Variants in PKNOX2 observed in about 807,000 individuals in gnomAD.
PKNOX2 encodes PBX/knotted 1 homeobox 2.
In PKNOX2, 14 loss-of-function variants were observed where a neutral mutation model predicts 53.1. The observed-to-expected ratio is 0.26, with a 90% CI of 0.17 to 0.41. PKNOX2 has a LOEUF of 0.41. Ranked by LOEUF, PKNOX2 falls within the 10% of genes least tolerant of loss-of-function variation. The pLI is 1.00. For missense variants in PKNOX2, 496 were observed against 602.8 expected (o/e 0.82, Z 1.85); for synonymous variants, 257 against 242.8 (o/e 1.06, Z -0.54).
chr11:125,240,986 C>T lies in PKNOX2; in HGVS notation c.-130+5871C>T, dbSNP rs971994739. 2.0e-5 allele frequency among the ~76,000 whole-genome samples: 3 copies of T among 152,224 alleles called. No homozygotes were observed. The highest frequency in any genetic ancestry group is 2.9e-5 in the Non-Finnish European group (2 of 68,042). On this transcript the variant is annotated intron_variant, in intron 2 of 12. Transcript: ENST00000298282. This position sits in a 1 kb window ranked among gnomAD's most constrained non-coding sequence, Gnocchi z 4.3. ...GCCTCCCGTATCTGGAGGAGCCTAG[C>T]GCTGTGCTTGCGATAGCTGGAGCCT...
At chr11:125,328,635 T>A (rs1295888540) in intron 2 of PKNOX2, among the ~76,000 whole-genome samples, 4 of 152,140 alleles carry the variant, frequency 2.6e-5, no homozygotes, top group African/African-American at 9.7e-5. Context: ...ACCCCACCAC[T>A]CAGGGCACAG....
chr11:125,195,986 G>C (rs1362410064), intron 1 of PKNOX2, among the ~76,000 whole-genome samples: 2 of 151,780 alleles, frequency 1.3e-5, no homozygotes, highest in Non-Finnish European at 2.9e-5. Flanking sequence ...TACAGCCTCA[G>C]GCCGGTCCCC....
At chr11:125,310,114 T>C (rs980160499) in intron 2 of PKNOX2, among the ~76,000 whole-genome samples, 1 of 152,178 alleles carries the variant, frequency 6.6e-6, no homozygotes, top group African/African-American at 2.4e-5. Flanking sequence ...TATGTGTGTG[T>C]TTTTTTAAAG....
Position 125,351,400 on chromosome 11 carries a change from C to T in PKNOX2, c.87+8C>T, listed in dbSNP as rs368621215. The T allele has an allele frequency of 1.9e-6, 3 of 1,573,728 alleles. No homozygotes were observed. Among genetic ancestry groups the T allele is most frequent in the African/African-American group, 2.7e-5 (2 of 74,232 alleles). On this transcript the variant is annotated splice_region_variant and intron_variant, in intron 4 of 12. Transcript: ENST00000298282. ...TACCAGGACAGCCCACAGGTGAGTG[C>T]GCAGGGGCCGCTGCCTCCCACCACG...
At chr11:125,233,312 T>C (rs556678301) in intron 1 of PKNOX2, among the ~76,000 whole-genome samples, 126 of 152,344 alleles carry the variant, frequency 8.3e-4, no homozygotes, top group Non-Finnish European at 1.5e-3. Flanking sequence ...GGATAGAGCA[T>C]ACAGCTCCAT....
chr11:125,166,762 C>T lies in PKNOX2; in HGVS notation c.-201+1986C>T, dbSNP rs565733081. Among the ~76,000 whole-genome samples, 134 of 152,340 alleles carry T rather than the reference C, an allele frequency of 8.8e-4. No individual in the cohort carries two copies. Among genetic ancestry groups the T allele is most frequent in the Non-Finnish European group, 1.2e-3 (83 of 68,028 alleles). On this transcript the variant is annotated intron_variant, in intron 1 of 12. Transcript: ENST00000298282. This position sits in a 1 kb window ranked among gnomAD's most constrained non-coding sequence, Gnocchi z 4.0. ...CGCCGGACTGAGAAGCCCACAAACC[C>T]GGCCTTTGGTGCGCCCGGGGGAGGA...
chr11:125,345,081 C>A (rs529831233), intron 3 of PKNOX2, among the ~76,000 whole-genome samples: 1 of 152,156 alleles, frequency 6.6e-6, no homozygotes, highest in Non-Finnish European at 1.5e-5. Flanking sequence ...GAGAGCAGCA[C>A]CCACTCAGCC....
chr11:125,195,469 A>C (rs951756270), intron 1 of PKNOX2, among the ~76,000 whole-genome samples: 1 of 152,096 alleles, frequency 6.6e-6, no homozygotes, highest in Admixed American at 6.6e-5. Flanking sequence ...AGCAGTCGGC[A>C]GTGAGTGGGG....
At chr11:125,409,472 G>T (rs150975702) in intron 7 of PKNOX2, among the ~76,000 whole-genome samples, 2 of 152,286 alleles carry the variant, frequency 1.3e-5, no homozygotes, top group East Asian at 3.9e-4. Context: ...TGCCGAAGGT[G>T]GCTGAGGCTC....
intron 2 of PKNOX2, among the ~76,000 whole-genome samples, chr11:125,271,975 C>A (rs1945823842): frequency 6.6e-6 from 1 of 152,254 alleles, no homozygotes; most frequent in African/African-American, 2.4e-5. Flanking sequence ...CCTGTGCCTG[C>A]AGTGGCAGGG....
chr11:125,251,136 G>A (rs1045077780), intron 2 of PKNOX2, among the ~76,000 whole-genome samples: 1 of 152,312 alleles, frequency 6.6e-6, no homozygotes, highest in South Asian at 2.1e-4. Flanking sequence ...CTTTCTTCCT[G>A]TACAAGTTGA....
At chr11:125,304,047 C>T (rs983055793) in intron 2 of PKNOX2, among the ~76,000 whole-genome samples, 3 of 152,174 alleles carry the variant, frequency 2.0e-5, no homozygotes, top group Admixed American at 2.0e-4. Flanking sequence ...ATCTGGATGT[C>T]ACAAGGGACG....
chr11:125,350,039 C>T (rs1951212391), intron 3 of PKNOX2, among the ~76,000 whole-genome samples: 1 of 152,164 alleles, frequency 6.6e-6, no homozygotes, highest in Non-Finnish European at 1.5e-5. Flanking sequence ...GGTGTGAGTG[C>T]TGTGCTCACA....
intron 3 of PKNOX2, among the ~76,000 whole-genome samples, chr11:125,340,195 A>G (rs765466829): frequency 1.3e-5 from 2 of 152,234 alleles, no homozygotes; most frequent in Non-Finnish European, 2.9e-5. Flanking sequence ...GTGTCCATTA[A>G]CTGATGTACA....
At chr11:125,212,563 T>C (rs1939991504) in intron 1 of PKNOX2, among the ~76,000 whole-genome samples, 1 of 149,704 alleles carries the variant, frequency 6.7e-6, no homozygotes, top group Non-Finnish European at 1.5e-5. Flanking sequence ...CAAGCGATTC[T>C]AGGAGGGGAT....
At chr11:125,311,812 C>G (rs1948825893) in intron 2 of PKNOX2, among the ~76,000 whole-genome samples, 1 of 152,182 alleles carries the variant, frequency 6.6e-6, no homozygotes, top group African/African-American at 2.4e-5. Flanking sequence ...TCCTCCAAGC[C>G]TATTCTTCCT....
Position 125,202,724 on chromosome 11 carries a change from G to C in PKNOX2, c.-200-32321G>C, listed in dbSNP as rs530254278. On this transcript the variant is annotated intron_variant, in intron 1 of 12. Coordinates refer to ENST00000298282, the MANE Select transcript of PKNOX2 (RefSeq NM_001382323.2). Reference sequence around the variant, plus strand: ...GGCTCTGGGGAGGCTGTGGGTTGGGGGGGAGGGGTGAGTGCTCTGGGACAG... The same window carrying C: ...GGCTCTGGGGAGGCTGTGGGTTGGGCGGGAGGGGTGAGTGCTCTGGGACAG... Among the ~76,000 whole-genome samples the C allele has an allele frequency of 3.0e-4, 45 of 152,270 alleles. No homozygotes were observed. In the East Asian group the frequency reaches 8.1e-3, roughly 27 times the overall value.
intron 1 of PKNOX2, among the ~76,000 whole-genome samples, chr11:125,228,197 G>T (rs942133403): frequency 6.6e-6 from 1 of 152,216 alleles, no homozygotes; most frequent in Non-Finnish European, 1.5e-5. Flanking sequence ...GAGCCGTCCA[G>T]TATGACAGCC....
At chr11:125,421,875 T>A (rs961774425) in intron 10 of PKNOX2, among the ~76,000 whole-genome samples, 4 of 152,170 alleles carry the variant, frequency 2.6e-5, no homozygotes, top group African/African-American at 7.2e-5. Flanking sequence ...CACTTACACC[T>A]TCTTGGGGTA....
Sources: allele counts gnomAD v4.1 joint callset (sites outside exome capture counted in the v4.1 genomes callset), GRCh38; gene constraint gnomAD v4.1.1; non-coding constraint Gnocchi (gnomAD v3.1); transcripts MANE v1.5; gene names NCBI Gene and HGNC (gene_info 2026-07-23, HGNC 2026-07-21).